The following GABRB2 variants were observed in gnomAD, a reference collection of about 807,000 sequenced individuals.
GABRB2 encodes gamma-aminobutyric acid receptor subunit beta-2.
GABRB2 carries 16 observed loss-of-function variants against 54.7 expected under a neutral mutation model. The ratio of observed to expected loss-of-function variants is 0.29; its 90% CI spans 0.20 to 0.44. The LOEUF (loss-of-function observed/expected upper bound fraction) is 0.44. Ranked by LOEUF, GABRB2 falls within the 20% of genes least tolerant of loss-of-function variation. The probability of loss-of-function intolerance (pLI) is 1.00; values close to 1 mark genes in which losing one functional copy is unlikely to be tolerated. For missense variants in GABRB2, 355 were observed against 644.0 expected, an observed-to-expected ratio of 0.55 and a Z score of 4.86; for synonymous variants, 244 against 233.8, an observed-to-expected ratio of 1.04 and a Z score of -0.40.
chr5:161,535,100 T>C (rs1760591423), intron 3 of GABRB2, among the ~76,000 whole-genome samples: 1 of 152,164 alleles, frequency 6.6e-6, no homozygotes, highest in South Asian at 2.1e-4. Context: ...AATAGGAAAA[T>C]TATTAGACAA....
At chr5:161,347,132 A>G (rs1754340875) in intron 5 of GABRB2, among the ~76,000 whole-genome samples, 1 of 152,118 alleles carries the variant, frequency 6.6e-6, no homozygotes, top group African/African-American at 2.4e-5. Context: ...CCACTAGCTA[A>G]TATTTCTAAA....
chr5:161,460,268 A>ATGTGTG (rs57673547), intron 3 of GABRB2, among the ~76,000 whole-genome samples: 148 of 148,666 alleles, frequency 1.0e-3, no homozygotes, highest in African/African-American at 2.9e-3. Context: ...TTATATATAT[A>ATGTGTG]TGTGTGTGTG....
intron 5 of GABRB2, among the ~76,000 whole-genome samples, chr5:161,341,143 T>C (rs891993660): frequency 5.3e-5 from 8 of 152,042 alleles, no homozygotes; most frequent in African/African-American, 1.7e-4. Flanking sequence ...CAATATACTA[T>C]GTAGGATGAG....
At chr5:161,469,903 C>G (rs983365322) in intron 3 of GABRB2, among the ~76,000 whole-genome samples, 2 of 146,216 alleles carry the variant, frequency 1.4e-5, no homozygotes, top group African/African-American at 4.9e-5. Flanking sequence ...TCTCTATTTT[C>G]TCATCCAAAG....
chr5:161,357,679 AG>A (rs1415710700), intron 5 of GABRB2, among the ~76,000 whole-genome samples: 22 of 152,144 alleles, frequency 1.4e-4, no homozygotes, highest in Admixed American at 1.4e-3. Context: ...GGTAGCTTAG[AG>A]CAAGGTGGAA....
chr5:161,428,186 T>C (rs2113165679), intron 4 of GABRB2, among the ~76,000 whole-genome samples: 1 of 152,218 alleles, frequency 6.6e-6, no homozygotes, highest in African/African-American at 2.4e-5. Context: ...TTTTTGTAGT[T>C]GCAACTTTGA....
intron 2 of GABRB2, 71 bp downstream of exon 2, chr5:161,546,251 A>C: frequency 1.6e-6 from 2 of 1,214,620 alleles, no homozygotes; most frequent in Non-Finnish European, 2.4e-6. Context: ...GGGAGAGGGA[A>C]GAGAGCGCGC....
chr5:161,387,862 A>C (rs1011109330), intron 5 of GABRB2, among the ~76,000 whole-genome samples: 3 of 152,208 alleles, frequency 2.0e-5, no homozygotes, highest in African/African-American at 7.2e-5. Flanking sequence ...AAAATTAACC[A>C]AACTTAATTA....
chr5:161,400,236 T>C lies in GABRB2; in HGVS notation c.541+10739A>G, dbSNP rs556936128. Among the ~76,000 whole-genome samples, 3 of 152,292 alleles carry C rather than the reference T, an allele frequency of 2.0e-5. No individual in the cohort carries two copies. The South Asian group carries it at 6.2e-4, about 32-fold the overall frequency. On this transcript the variant is annotated intron_variant, in intron 5 of 9. Transcript: ENST00000393959. ...GTGTATTTACGCCTCTGGCTTATGA[T>C]GTTCACATCAGGTTTCACAAAGTGC... is the stretch of plus-strand genomic sequence containing the variant.
chr5:161,409,938 A>C (rs1203569956), intron 5 of GABRB2, among the ~76,000 whole-genome samples: 1 of 152,314 alleles, frequency 6.6e-6, no homozygotes, highest in East Asian at 1.9e-4. Context: ...TCAAAAATAC[A>C]TGTAATTTAA....
At chr5:161,499,155 T>G (rs1020974123) in intron 3 of GABRB2, among the ~76,000 whole-genome samples, 5 of 152,066 alleles carry the variant, frequency 3.3e-5, no homozygotes, top group African/African-American at 4.8e-5. Flanking sequence ...CTTGTCTCAT[T>G]CCTTTGACTC....
chr5:161,431,017 A>G (rs886283868), intron 4 of GABRB2, among the ~76,000 whole-genome samples: 1 of 152,192 alleles, frequency 6.6e-6, no homozygotes, highest in African/African-American at 2.4e-5. Flanking sequence ...TGGATTTACA[A>G]TTGTGTCTCC....
intron 4 of GABRB2, among the ~76,000 whole-genome samples, chr5:161,439,011 C>T (rs1387786217): frequency 2.0e-5 from 3 of 152,084 alleles, no homozygotes; most frequent in South Asian, 2.1e-4. Context: ...TAGAGAACTT[C>T]CCAAACCTAG....
intron 4 of GABRB2, among the ~76,000 whole-genome samples, chr5:161,416,046 C>T (rs1756656726): frequency 1.3e-5 from 2 of 152,178 alleles, no homozygotes; most frequent in African/African-American, 4.8e-5. Context: ...TCAAGCAATC[C>T]TCCTACCTGA....
At position 161,505,023 on chromosome 5, in the gene GABRB2, A is replaced by G. The variant is rs527241948; in HGVS notation, c.237+40204T>C. ...TGCTGGTGAGTTCTATCAAATTTAA[A>G]CAAGAAATGCTGTAAATTCTATATA... On this transcript the variant is annotated intron_variant, in intron 3 of 9. Coordinates refer to ENST00000393959, the MANE Select transcript of GABRB2 (RefSeq NM_001371727.1). 3.5e-4 allele frequency among the ~76,000 whole-genome samples: 54 copies of G among 152,234 alleles called. 1 individual carries two copies. The South Asian group carries it at 0.011, about 30-fold the overall frequency.
intron 6 of GABRB2, among the ~76,000 whole-genome samples, chr5:161,335,543 C>T (rs1056205018): frequency 7.2e-5 from 11 of 152,200 alleles, no homozygotes; most frequent in African/African-American, 2.6e-4. Context: ...GATTGGATGA[C>T]CTGGGCAATT....
chr5:161,467,275 A>G (rs764208144), intron 3 of GABRB2, among the ~76,000 whole-genome samples: 2 of 152,140 alleles, frequency 1.3e-5, no homozygotes, highest in Non-Finnish European at 2.9e-5. Context: ...TTTAAAAGAC[A>G]AAATATTTAA....
chr5:161,385,959 T>G lies in GABRB2; in HGVS notation c.541+25016A>C, dbSNP rs1009026268. Reference sequence around the variant, plus strand: ...TTACCTATTGTCTGGTGTGTGTGTGTGTGTGTGTGTGTGTGTGTGTGTGTG... The same window carrying G: ...TTACCTATTGTCTGGTGTGTGTGTGGGTGTGTGTGTGTGTGTGTGTGTGTG... On this transcript the variant is annotated intron_variant, in intron 5 of 9. Coordinates refer to ENST00000393959, the MANE Select transcript of GABRB2 (RefSeq NM_001371727.1). Among the ~76,000 whole-genome samples, 1,081 of 116,198 alleles carry G rather than the reference T, an allele frequency of 9.3e-3. 15 individuals carry two copies. Among genetic ancestry groups the G allele is most frequent in the African/African-American group, 0.034 (978 of 28,500 alleles). The allele number at this position is 116,198 out of a possible 152,430, so 76.2% of individuals were successfully genotyped here. A position where few individuals can be genotyped will look rare whatever the true frequency, so the allele number is the denominator to read the frequency against.
chr5:161,329,327 T>A (rs956390482), intron 8 of GABRB2: 1 of 152,142 alleles, frequency 6.6e-6, no homozygotes, highest in African/African-American at 2.4e-5. Context: ...AAATACTCTT[T>A]CATTTGACAG....
Sources: gnomAD v4.1 joint callset for allele counts (sites outside exome capture counted in the v4.1 genomes callset) on GRCh38, gnomAD v4.1.1 for gene constraint, MANE v1.5 for transcripts, NCBI Gene and HGNC (gene_info 2026-07-23, HGNC 2026-07-21) for gene names.